DGKD: variants seen among roughly 807,000 people sequenced by gnomAD.
DGKD encodes the protein diacylglycerol kinase delta.
DGKD carries 68 observed loss-of-function variants against 154.4 expected under a neutral mutation model. That is an observed-to-expected ratio of 0.44 (90% CI 0.36 to 0.54). DGKD has a LOEUF of 0.54. Ranked by LOEUF, DGKD falls within the 20% of genes least tolerant of loss-of-function variation. The pLI is 0.00. For missense variants in DGKD, 1,343 were observed against 1,593.6 expected, an observed-to-expected ratio of 0.84 and a Z score of 2.68; for synonymous variants, 693 against 638.0, an observed-to-expected ratio of 1.09 and a Z score of -1.30.
At chr2:233,430,280 T>G (rs1159385192) in intron 3 of DGKD, among the ~76,000 whole-genome samples, 1 of 152,224 alleles carries the variant, frequency 6.6e-6, no homozygotes, top group African/African-American at 2.4e-5. Context: ...CTTGTAAAGA[T>G]AATTCACGGC....
intron 10 of DGKD, among the ~76,000 whole-genome samples, chr2:233,444,355 C>T (rs556397325): frequency 1.4e-4 from 22 of 152,136 alleles, no homozygotes; most frequent in Admixed American, 2.6e-4. Context: ...CCCAGGCGAC[C>T]TTTCCCGGGG....
At chr2:233,383,016 G>A (rs73115369) in intron 1 of DGKD, among the ~76,000 whole-genome samples, 1,591 of 151,506 alleles carry the variant, frequency 0.011, 24 homozygotes, top group African/African-American at 0.036. Flanking sequence ...ATCATTCCGT[G>A]GGAGTTTCTT....
intron 3 of DGKD, among the ~76,000 whole-genome samples, chr2:233,409,699 TTTATTGA>T (rs2061774610): frequency 1.3e-5 from 2 of 151,966 alleles, no homozygotes; most frequent in African/African-American, 4.8e-5. Flanking sequence ...GAGACTGCTG[TTTATTGA>T]CCCAGTCCTT....
chr2:233,424,923 T>A (rs1343988059), intron 3 of DGKD, among the ~76,000 whole-genome samples: 1 of 152,212 alleles, frequency 6.6e-6, no homozygotes, highest in Admixed American at 6.5e-5. Flanking sequence ...CACGTCTGCA[T>A]GTCTCCAGTA....
Position 233,467,196 on chromosome 2 carries a change from A to C in DGKD, c.3417A>C (p.Gly1139=), listed in dbSNP as rs1396104507. The change falls in exon 28 of 30, where the codon GGA becomes GGC. Residue 1139 remains glycine, a synonymous_variant. Coordinates refer to ENST00000264057, the MANE Select transcript of DGKD (RefSeq NM_152879.3). ...ACAAAGAAGCTCACAGTAGCCTGGG[A>C]GCCCCGGGTACCTGCCTCTCTCCCG... ...NKNKEAHSSL[G]APVHLWGTEE... is the part of the protein sequence containing the mutation. 6.2e-7 allele frequency: 1 copy of C among 1,612,856 alleles called. No homozygotes were observed. Among genetic ancestry groups the C allele is most frequent in the East Asian group, 2.2e-5 (1 of 44,890 alleles).
intron 2 of DGKD, chr2:233,388,763 T>TTTTTTA (rs1491316980): frequency 9.7e-6 from 1 of 103,534 alleles, no homozygotes; most frequent in African/African-American, 3.7e-5. Context: ...TTTTTTTTTT[T>TTTTTTA]GAGAGGGAGT....
intron 1 of DGKD, among the ~76,000 whole-genome samples, chr2:233,361,434 GTACGTTCA>G (rs1170762765): frequency 6.6e-6 from 1 of 152,162 alleles, no homozygotes; most frequent in East Asian, 1.9e-4. Flanking sequence ...GAGTCTGTTT[GTACGTTCA>G]TGATTGTGCA....
chr2:233,365,734 T>C (rs1701993542), intron 1 of DGKD, among the ~76,000 whole-genome samples: 1 of 152,190 alleles, frequency 6.6e-6, no homozygotes, highest in Non-Finnish European at 1.5e-5. Flanking sequence ...TAAGCCAGGA[T>C]CAATAAAAAG....
At position 233,452,708 on chromosome 2, in the gene DGKD, A is replaced by G. The variant is rs1479512625; in HGVS notation, c.2264+648A>G. On this transcript the variant is annotated intron_variant, in intron 18 of 29. Transcript: ENST00000264057. The surrounding 1 kb of genome is among the most constrained non-coding windows in gnomAD (Gnocchi z 4.0). ...GTGAGGACATGTATATAGCAGTTTA[A>G]TGCAGTCTTCCTAGGTATTGGAGTC... Among the ~76,000 whole-genome samples the G allele has an allele frequency of 1.3e-5, 2 of 152,190 alleles. No homozygotes were observed. The highest frequency in any genetic ancestry group is 4.1e-4 in the South Asian group (2 of 4,834).
intron 1 of DGKD, among the ~76,000 whole-genome samples, chr2:233,367,862 T>TTTA (rs1559474358): frequency 4.0e-5 from 6 of 149,244 alleles, no homozygotes; most frequent in African/African-American, 1.5e-4. Flanking sequence ...TTTTTTTTTT[T>TTTA]TTTTTTTTAA....
At chr2:233,462,083 C>G (rs1444543573) in intron 24 of DGKD, among the ~76,000 whole-genome samples, 1 of 152,234 alleles carries the variant, frequency 6.6e-6, no homozygotes, top group Non-Finnish European at 1.5e-5. Flanking sequence ...GGTTGTAAGC[C>G]TCATTTTGTA....
At chr2:233,388,535 ATG>A in intron 2 of DGKD, 168 bp downstream of exon 2, 1 of 560,568 alleles carries the variant, frequency 1.8e-6, no homozygotes, top group Non-Finnish European at 3.1e-6. Context: ...GTCTCAAGGC[ATG>A]TTTTATTTCT....
At position 233,458,317 on chromosome 2, in the gene DGKD, C is replaced by A; in HGVS notation, c.2614C>A (p.Leu872Met). 1 of 1,612,792 alleles carries A rather than the reference C, an allele frequency of 6.2e-7. No homozygotes were observed. Among genetic ancestry groups the A allele is most frequent in the East Asian group, 2.2e-5 (1 of 44,880 alleles). Residue 872 changes from leucine to methionine, a missense_variant, in exon 22 of 30, where the codon CTG becomes ATG. Physicochemically the swap from Leu to Met is conservative, Grantham distance 15. Around this residue, in one of 6 missense-constraint regions of DGKD, gnomAD observed 429 missense variants for 496.3 expected, o/e 0.86. Transcript: ENST00000264057. The surrounding 1 kb of genome is among the most constrained non-coding windows in gnomAD (Gnocchi z 6.6). ...AGCTCCATCATTCGATGACAAGATT[C>A]TGGAGGTGGTCGCCGTGTTCGGCAG... ...FAAPSFDDKILEVVAVFGSMQ... is the reference protein window; with the variant it reads ...FAAPSFDDKIMEVVAVFGSMQ...
At chr2:233,461,708 C>T (rs1286847687) in intron 24 of DGKD, among the ~76,000 whole-genome samples, 1 of 152,290 alleles carries the variant, frequency 6.6e-6, no homozygotes, top group East Asian at 1.9e-4. Context: ...TTGCACAGCA[C>T]TGCAGGAAGC....
intron 3 of DGKD, among the ~76,000 whole-genome samples, chr2:233,425,687 T>G (rs1478087646): frequency 2.0e-5 from 3 of 152,236 alleles, no homozygotes; most frequent in African/African-American, 7.2e-5. Context: ...GTCTTAGAGG[T>G]TGTTCCATAT....
At chr2:233,382,297 T>C (rs1161375304) in intron 1 of DGKD, among the ~76,000 whole-genome samples, 1 of 152,196 alleles carries the variant, frequency 6.6e-6, no homozygotes, top group Non-Finnish European at 1.5e-5. Flanking sequence ...TTCTTTCCAC[T>C]GAAACATTTG....
intron 1 of DGKD, among the ~76,000 whole-genome samples, chr2:233,381,515 G>T (rs1000274551): frequency 6.6e-6 from 1 of 152,196 alleles, no homozygotes; most frequent in Non-Finnish European, 1.5e-5. Context: ...TTCGTAATGT[G>T]TAAAGTGGGA....
At chr2:233,469,063 CTG>C (rs1338329846) in intron 29 of DGKD, among the ~76,000 whole-genome samples, 1 of 152,242 alleles carries the variant, frequency 6.6e-6, no homozygotes, top group Non-Finnish European at 1.5e-5. Flanking sequence ...CAAAAGGCCA[CTG>C]TGGGTGTCCT....
intron 1 of DGKD, among the ~76,000 whole-genome samples, chr2:233,373,742 C>G (rs1314351835): frequency 6.6e-6 from 1 of 152,202 alleles, no homozygotes; most frequent in African/African-American, 2.4e-5. Context: ...TAAATCTACA[C>G]TTACCTAAGA....
Sources: allele counts gnomAD v4.1 joint callset (sites outside exome capture counted in the v4.1 genomes callset), GRCh38; gene constraint gnomAD v4.1.1; regional missense constraint gnomAD v4.1.1; non-coding constraint Gnocchi (gnomAD v3.1); transcripts MANE v1.5; gene names NCBI Gene and HGNC (gene_info 2026-07-23, HGNC 2026-07-21).